Variants in EPHA3 observed in about 807,000 individuals in gnomAD.
The protein encoded by EPHA3 is ephrin type-A receptor 3.
In EPHA3, 42 loss-of-function variants were observed where a neutral mutation model predicts 107.1. That is an observed-to-expected ratio of 0.39 (90% CI 0.31 to 0.51). The LOEUF is 0.51. EPHA3 is among the 20% of genes least tolerant of loss of function. EPHA3 has a pLI of 0.78. For missense variants in EPHA3, 1,183 were observed against 1,211.2 expected (o/e 0.98, Z 0.35); for synonymous variants, 461 against 424.8 (o/e 1.09, Z -1.05).
chr3:89,312,222 T>C (rs747690345), intron 3 of EPHA3, among the ~76,000 whole-genome samples: 3 of 152,028 alleles, frequency 2.0e-5, no homozygotes, highest in Non-Finnish European at 4.4e-5. Context: ...CTGAAGGACT[T>C]AGTGCACTTA....
At chr3:89,232,115 T>C (rs1704649744) in intron 3 of EPHA3, among the ~76,000 whole-genome samples, 1 of 152,086 alleles carries the variant, frequency 6.6e-6, no homozygotes, top group Non-Finnish European at 1.5e-5. Context: ...CAAGATGTTA[T>C]ATTTTGGGGT....
chr3:89,327,410 A>C (rs1356702076), intron 3 of EPHA3, among the ~76,000 whole-genome samples: 1 of 152,108 alleles, frequency 6.6e-6, no homozygotes, highest in Non-Finnish European at 1.5e-5. Context: ...GAACTTGCCT[A>C]GTCATAAAAA....
intron 6 of EPHA3, among the ~76,000 whole-genome samples, chr3:89,397,580 CTT>C (rs35334618): frequency 8.6e-4 from 113 of 131,070 alleles, no homozygotes; most frequent in African/African-American, 2.8e-3. Flanking sequence ...GCATCATTGC[CTT>C]TTTTTTTTTT....
At chr3:89,280,375 C>T (rs11927218) in intron 3 of EPHA3, among the ~76,000 whole-genome samples, 7,257 of 151,946 alleles carry the variant, frequency 0.048, 569 homozygotes, top group African/African-American at 0.16. Context: ...CAATAAAAAG[C>T]CTCCAGAGGT....
At chr3:89,191,288 T>A (rs1308685865) in intron 2 of EPHA3, among the ~76,000 whole-genome samples, 1 of 148,618 alleles carries the variant, frequency 6.7e-6, no homozygotes, top group Non-Finnish European at 1.5e-5. Context: ...ATTTTTATTT[T>A]TATTTTTTTA....
chr3:89,370,856 C>A (rs1044223268), intron 5 of EPHA3, among the ~76,000 whole-genome samples: 16 of 151,428 alleles, frequency 1.1e-4, no homozygotes, highest in Admixed American at 1.3e-4. Flanking sequence ...GTGAATTGGG[C>A]AAAGTGTTAA....
At chr3:89,121,155 G>C (rs960767478) in intron 1 of EPHA3, among the ~76,000 whole-genome samples, 5 of 152,136 alleles carry the variant, frequency 3.3e-5, no homozygotes, top group African/African-American at 9.7e-5. Flanking sequence ...AGAATGGCGT[G>C]AACCTGTTAG....
intron 2 of EPHA3, among the ~76,000 whole-genome samples, chr3:89,137,306 T>C (rs1169918875): frequency 6.6e-6 from 1 of 151,992 alleles, no homozygotes; most frequent in Non-Finnish European, 1.5e-5. Flanking sequence ...TTCCATTACG[T>C]GTAAAACAAG....
chr3:89,124,937 G>A (rs1704061069), intron 1 of EPHA3, among the ~76,000 whole-genome samples: 1 of 151,814 alleles, frequency 6.6e-6, no homozygotes. Flanking sequence ...TCTCCTTTGA[G>A]TAGAAACCAA....
intron 15 of EPHA3, among the ~76,000 whole-genome samples, chr3:89,468,500 G>A (rs1314188163): frequency 1.3e-5 from 2 of 152,072 alleles, no homozygotes; most frequent in African/African-American, 4.8e-5. Flanking sequence ...ATGTCCTGGG[G>A]TTTGATTCTT....
intron 3 of EPHA3, among the ~76,000 whole-genome samples, chr3:89,321,950 G>A (rs1707052941): frequency 6.6e-6 from 1 of 151,954 alleles, no homozygotes; most frequent in Admixed American, 6.6e-5. Context: ...ACCTTATGCA[G>A]CATGGAAATG....
chr3:89,476,670 C>G (rs1327947541), intron 16 of EPHA3, among the ~76,000 whole-genome samples: 2 of 151,060 alleles, frequency 1.3e-5, no homozygotes, highest in Non-Finnish European at 1.5e-5. Flanking sequence ...TGCAGTGGCG[C>G]GATCTCGGCT....
chr3:89,390,785 A>T (rs78997244), intron 5 of EPHA3, among the ~76,000 whole-genome samples: 349 of 132,056 alleles, frequency 2.6e-3, no homozygotes, highest in Non-Finnish European at 4.3e-3. Context: ...ATTGAAAAGC[A>T]TTTTTTTTTT....
intron 2 of EPHA3, among the ~76,000 whole-genome samples, chr3:89,161,703 C>G (rs1361729297): frequency 6.6e-6 from 1 of 151,950 alleles, no homozygotes; most frequent in Non-Finnish European, 1.5e-5. Context: ...TTTGTCTAGG[C>G]ACAGTGATTT....
intron 2 of EPHA3, among the ~76,000 whole-genome samples, chr3:89,188,641 C>T (rs1476095815): frequency 6.6e-6 from 1 of 152,200 alleles, no homozygotes. Context: ...ATTCCAGACT[C>T]ATAACAGGTG....
At chr3:89,329,141 A>G (rs1274868408) in intron 3 of EPHA3, among the ~76,000 whole-genome samples, 8 of 152,142 alleles carry the variant, frequency 5.3e-5, no homozygotes, top group African/African-American at 1.9e-4. Context: ...TTAATGGAAT[A>G]TGTAATTATC....
At chr3:89,238,370 A>T (rs1055344295) in intron 3 of EPHA3, among the ~76,000 whole-genome samples, 5 of 152,184 alleles carry the variant, frequency 3.3e-5, no homozygotes, top group African/African-American at 1.2e-4. Flanking sequence ...GACTTAAAAA[A>T]TTTTATTTTG....
At chr3:89,340,643 G>A (rs2107416511) in intron 3 of EPHA3, among the ~76,000 whole-genome samples, 1 of 152,272 alleles carries the variant, frequency 6.6e-6, no homozygotes, top group African/African-American at 2.4e-5. Flanking sequence ...GCCAAGTAAA[G>A]CTGTGAAAAC....
intron 3 of EPHA3, among the ~76,000 whole-genome samples, chr3:89,328,244 C>T (rs559681954): frequency 7.9e-5 from 12 of 152,242 alleles, no homozygotes; most frequent in Admixed American, 5.2e-4. Context: ...AATAAAGTTC[C>T]GTGTTTCGAC....
Sources: allele counts gnomAD v4.1 joint callset (sites outside exome capture counted in the v4.1 genomes callset), GRCh38; gene constraint gnomAD v4.1.1; transcripts MANE v1.5; gene names NCBI Gene and HGNC (gene_info 2026-07-23, HGNC 2026-07-21).